DESI2: variants seen among roughly 807,000 people sequenced by gnomAD.
DESI2 encodes the protein deubiquitinase DESI2.
Under a neutral mutation model 24.1 loss-of-function variants are expected in DESI2, and 10 were observed. The observed-to-expected ratio is 0.41, with a 90% confidence interval of 0.26 to 0.70. The LOEUF is 0.70. DESI2 is among the 30% of genes least tolerant of loss of function. DESI2 has a pLI of 0.29. For missense variants in DESI2, 122 were observed against 234.9 expected (o/e 0.52, Z 3.14); for synonymous variants, 71 against 87.7 (o/e 0.81, Z 1.06).
At chr1:244,688,561 G>C (rs1213913441) in intron 2 of DESI2, among the ~76,000 whole-genome samples, 1 of 152,156 alleles carries the variant, frequency 6.6e-6, no homozygotes, top group Non-Finnish European at 1.5e-5. Context: ...TGAAATAACA[G>C]AAAATTACAG....
At chr1:244,671,080 T>C (rs935436393) in intron 1 of DESI2, among the ~76,000 whole-genome samples, 2 of 152,210 alleles carry the variant, frequency 1.3e-5, no homozygotes, top group African/African-American at 2.4e-5. Context: ...GTAGTTGACA[T>C]TGGGATGTTG....
chr1:244,655,194 A>G (rs544219152), intron 1 of DESI2, among the ~76,000 whole-genome samples: 1 of 152,332 alleles, frequency 6.6e-6, no homozygotes, highest in South Asian at 2.1e-4. Flanking sequence ...TATTCTTCAC[A>G]TCAAGTTTGT....
chr1:244,674,230 C>T (rs1459568292), intron 1 of DESI2, among the ~76,000 whole-genome samples: 4 of 151,990 alleles, frequency 2.6e-5, no homozygotes, highest in Admixed American at 6.6e-5. Context: ...AACTCCTCAC[C>T]TCAGGTGATC....
chr1:244,691,175 G>T (rs1005998796), intron 3 of DESI2, among the ~76,000 whole-genome samples: 22 of 152,098 alleles, frequency 1.4e-4, no homozygotes, highest in African/African-American at 4.6e-4. Context: ...TGCAACCTCT[G>T]CCTCCTGCGT....
At chr1:244,668,798 G>A (rs559422477) in intron 1 of DESI2, among the ~76,000 whole-genome samples, 17 of 152,192 alleles carry the variant, frequency 1.1e-4, no homozygotes, top group Non-Finnish European at 1.5e-4. Flanking sequence ...CAATCAATTC[G>A]TTTCTGTAAA....
intron 1 of DESI2, among the ~76,000 whole-genome samples, chr1:244,655,050 C>T (rs1675600097): frequency 6.6e-6 from 1 of 152,182 alleles, no homozygotes; most frequent in African/African-American, 2.4e-5. Context: ...GGCTTCTTTA[C>T]ACTTGAGGCA....
chr1:244,679,964 A>C (rs1676549883), intron 1 of DESI2, among the ~76,000 whole-genome samples: 1 of 149,968 alleles, frequency 6.7e-6, no homozygotes, highest in South Asian at 2.1e-4. Context: ...GTATTATTGA[A>C]TATATAGTCT....
chr1:244,665,224 T>TATC lies in DESI2; in HGVS notation c.42+11870_42+11872dup, dbSNP rs1475932738. On this transcript the variant is annotated intron_variant, in intron 1 of 4. Coordinates refer to ENST00000302550, the MANE Select transcript of DESI2 (RefSeq NM_016076.5). ...ATACTAAGCCATTTCCTTATATTAT[T>TATC]ATCCCTTTTTAAGTTGATGAAACTG... Among the ~76,000 whole-genome samples the TATC allele has an allele frequency of 2.6e-5, 4 of 152,248 alleles. No homozygotes were observed. The East Asian group carries it at 7.7e-4, about 29-fold the overall frequency.
intron 1 of DESI2, among the ~76,000 whole-genome samples, chr1:244,681,267 T>C (rs1312675265): frequency 1.3e-5 from 2 of 152,176 alleles, no homozygotes; most frequent in African/African-American, 4.8e-5. Flanking sequence ...ATAATATATA[T>C]TCTTTATGAG....
chr1:244,656,486 T>C (rs1675650375), intron 1 of DESI2: 1 of 152,226 alleles, frequency 6.6e-6, no homozygotes, highest in South Asian at 2.1e-4. Context: ...CTGTGTACTT[T>C]GGAGTAATCT....
chr1:244,704,509 G>A (rs1398842750), intron 4 of DESI2, among the ~76,000 whole-genome samples: 1 of 151,058 alleles, frequency 6.6e-6, no homozygotes, highest in Non-Finnish European at 1.5e-5. Flanking sequence ...TATAGAAGCA[G>A]CAGATCATCA....
intron 1 of DESI2, among the ~76,000 whole-genome samples, chr1:244,673,716 A>T (rs1676320319): frequency 6.6e-6 from 1 of 152,178 alleles, no homozygotes; most frequent in South Asian, 2.1e-4. Flanking sequence ...TTTCACTGAT[A>T]GTAAACTTTA....
intron 1 of DESI2, among the ~76,000 whole-genome samples, chr1:244,676,146 A>G (rs1438599828): frequency 6.6e-6 from 1 of 151,282 alleles, no homozygotes; most frequent in Admixed American, 6.6e-5. Context: ...GCGCGATCTC[A>G]GCTCACTGCA....
intron 1 of DESI2, among the ~76,000 whole-genome samples, chr1:244,664,857 C>T (rs569719464): frequency 6.6e-6 from 1 of 152,226 alleles, no homozygotes; most frequent in Non-Finnish European, 1.5e-5. Context: ...AACCTTTCAT[C>T]TTCCAGTCCT....
Position 244,692,117 on chromosome 1 carries a change from C to T in DESI2, c.351+97C>T, listed in dbSNP as rs1677050648. 2.7e-6 allele frequency: 3 copies of T among 1,113,416 alleles called. No individual in the cohort carries two copies. The East Asian group carries it at 7.7e-5, about 29-fold the overall frequency. The allele number at this position is 1,113,416 out of a possible 1,614,324, so 69.0% of individuals were successfully genotyped here. On this transcript the variant is annotated intron_variant, in intron 4 of 4. Transcript: ENST00000302550. ...TATTCGATCTTGATTCACTTCTTTT[C>T]CGATTTTTTGTGTTGTATGAAATAT...
chr1:244,704,646 C>T (rs1282426224), intron 4 of DESI2, among the ~76,000 whole-genome samples: 1 of 149,586 alleles, frequency 6.7e-6, no homozygotes, highest in Non-Finnish European at 1.5e-5. Flanking sequence ...AGAGCCAGGT[C>T]GTCATCTGGG....
At chr1:244,703,869 A>G (rs569844279) in intron 4 of DESI2, among the ~76,000 whole-genome samples, 1 of 152,092 alleles carries the variant, frequency 6.6e-6, no homozygotes, top group African/African-American at 2.4e-5. Context: ...TGTGTTAGCC[A>G]GGATGGTCTC....
At chr1:244,704,894 G>A (rs914413161) in intron 4 of DESI2, among the ~76,000 whole-genome samples, 10 of 152,094 alleles carry the variant, frequency 6.6e-5, no homozygotes, top group Non-Finnish European at 1.2e-4. Flanking sequence ...TCCTGACCTC[G>A]TAATTCACCG....
intron 4 of DESI2, among the ~76,000 whole-genome samples, chr1:244,694,095 AATTG>A (rs753018112): frequency 5.3e-5 from 8 of 152,230 alleles, no homozygotes; most frequent in East Asian, 3.8e-4. Flanking sequence ...CTATATTAAT[AATTG>A]ATTGTTGATA....
Sources: allele counts gnomAD v4.1 joint callset (sites outside exome capture counted in the v4.1 genomes callset), GRCh38; gene constraint gnomAD v4.1.1; transcripts MANE v1.5; gene names NCBI Gene and HGNC (gene_info 2026-07-23, HGNC 2026-07-21).